RAD51AP2: variants seen among roughly 807,000 people sequenced by gnomAD.
The protein encoded by RAD51AP2 is RAD51 associated protein 2, also known as RAD51-associated protein 2.
In RAD51AP2, 67 loss-of-function variants were observed where a neutral mutation model predicts 85.5. That is an observed-to-expected ratio of 0.78 (90% confidence interval 0.64 to 0.96). The LOEUF is 0.96. RAD51AP2 is among the 40% of genes least tolerant of loss of function. RAD51AP2 has a pLI of 0.00. For synonymous variants in RAD51AP2, 474 were observed against 446.5 expected (o/e 1.06, Z -0.78); for missense variants, 1,307 against 1,332.4 (o/e 0.98, Z 0.30).
At position 17,515,946 on chromosome 2, in the gene RAD51AP2, T is replaced by C; in HGVS notation, c.2470A>G (p.Ile824Val). Residue 824 changes from isoleucine to valine, a missense_variant, in exon 1 of 3, where the codon ATA (isoleucine) becomes GTA (valine). Around this residue, in one of 3 missense-constraint regions of RAD51AP2, gnomAD observed 668 missense variants for 671.0 expected, o/e 1.00. Transcript: ENST00000399080. ...VLNFWNLLSE[I>V]EEKKYDLILK... ...ATTAAGTCATATTTTTTTTCTTCTA[T>C]TTCACTTAGCAAGTTCCAAAAATTT... The C allele has an allele frequency of 6.2e-7, 1 of 1,606,314 alleles. No individual in the cohort carries two copies. Among genetic ancestry groups the C allele is most frequent in the South Asian group, 1.1e-5 (1 of 88,372 alleles).
chr2:17,511,368 G>A (rs533955889), intron 2 of RAD51AP2, among the ~76,000 whole-genome samples: 1 of 152,202 alleles, frequency 6.6e-6, no homozygotes, highest in East Asian at 1.9e-4. Context: ...GGAGGTTATT[G>A]TCAATAATAG....
At chr2:17,535,542 T>G in the RAD51AP2 span, among the ~76,000 whole-genome samples, 1 of 152,296 alleles carries the variant, frequency 6.6e-6, no homozygotes, top group Admixed American at 6.5e-5. Flanking sequence ...CAGTGAGGAA[T>G]GAATTTGCAA....
the RAD51AP2 span, among the ~76,000 whole-genome samples, chr2:17,534,339 C>T: frequency 6.6e-6 from 1 of 152,100 alleles, no homozygotes; most frequent in Non-Finnish European, 1.5e-5. Context: ...TCATCTTCTT[C>T]CTAAATTATA....
Position 17,517,242 on chromosome 2 carries a change from A to C in RAD51AP2, c.1174T>G (p.Ser392Ala). 6.2e-7 allele frequency: 1 copy of C among 1,613,704 alleles called. No individual in the cohort carries two copies. Among genetic ancestry groups the C allele is most frequent in the Non-Finnish European group, 8.5e-7 (1 of 1,179,910 alleles). ...DSYVLTRLEK[S>A]QNWDCNVRHI... is the part of the protein sequence containing the mutation. ...CTAACGTTACAGTCCCAGTTTTGAG[A>C]TTTTTCCAGCCTGGTAAGTACGTAA... The change falls in exon 1 of 3, where the codon TCT (serine) becomes GCT (alanine). Residue 392 changes from serine (S) to alanine (A), a missense_variant. Ser to Ala is a moderately conservative substitution (Grantham distance 99). Around this residue, in one of 3 missense-constraint regions of RAD51AP2, gnomAD observed 635 missense variants for 643.6 expected, o/e 0.99. Transcript: ENST00000399080.
At chr2:17,536,062 G>A in the RAD51AP2 span, among the ~76,000 whole-genome samples, 6 of 151,452 alleles carry the variant, frequency 4.0e-5, no homozygotes, top group Non-Finnish European at 7.4e-5. Context: ...TTGTCTCTGA[G>A]GGGGCATAGA....
At chr2:17,535,821 C>T in the RAD51AP2 span, among the ~76,000 whole-genome samples, 2 of 150,372 alleles carry the variant, frequency 1.3e-5, no homozygotes, top group South Asian at 2.1e-4. Context: ...AGGAGGAAGT[C>T]GAGAGTAAGG....
At position 17,518,370 on chromosome 2, in the gene RAD51AP2, G is replaced by T. The variant is rs1220093795; in HGVS notation, c.46C>A (p.Pro16Thr). The T allele has an allele frequency of 6.2e-7, 1 of 1,613,368 alleles. No individual in the cohort carries two copies. Among genetic ancestry groups the T allele is most frequent in the Non-Finnish European group, 8.5e-7 (1 of 1,179,826 alleles). Reference protein sequence around the residue: ...PTPRMAELRKPTSSLTPPEDP... With the variant: ...PTPRMAELRKTTSSLTPPEDP... Reference sequence around the variant, plus strand: ...TCAGGAGGCGTTAAAGAGGAGGTAGGCTTTCTGAGCTCGGCCATCCGCGGC... The same window carrying T: ...TCAGGAGGCGTTAAAGAGGAGGTAGTCTTTCTGAGCTCGGCCATCCGCGGC... The change falls in exon 1 of 3, where the codon CCT (proline) becomes ACT (threonine). Residue 16 changes from proline to threonine, a missense_variant. Physicochemically the swap from Pro to Thr is conservative, Grantham distance 38 (BLOSUM62 -1). Transcript: ENST00000399080.
At chr2:17,520,552 TTAG>T (rs1662836642), upstream of RAD51AP2, among the ~76,000 whole-genome samples, 1 of 152,148 alleles carries the variant, frequency 6.6e-6, no homozygotes, top group African/African-American at 2.4e-5. Context: ...CTGATTTCTT[TTAG>T]CGTGGTGTCT....
the RAD51AP2 span, among the ~76,000 whole-genome samples, chr2:17,532,560 C>A: frequency 2.6e-5 from 4 of 151,990 alleles, no homozygotes; most frequent in Non-Finnish European, 5.9e-5. Context: ...ATTGGTCTAG[C>A]GAGGTTTTAG....
Position 17,510,796 on chromosome 2 carries a change from T to C in RAD51AP2, c.*8A>G. 1 of 1,535,946 alleles carries C rather than the reference T, an allele frequency of 6.5e-7. No homozygotes were observed. The highest frequency in any genetic ancestry group is 8.9e-7 in the Non-Finnish European group (1 of 1,128,906). ...CTAGATGTTGTAAAATGTTTTGAAA[T>C]ATGAAAGTCAAAAATTTTCTTTTAA... On this transcript the variant is annotated 3_prime_UTR_variant, in exon 3 of 3. Coordinates refer to ENST00000399080, the MANE Select transcript of RAD51AP2 (RefSeq NM_001099218.3).
intron 2 of RAD51AP2, among the ~76,000 whole-genome samples, chr2:17,513,527 G>A (rs369148340): frequency 2.6e-4 from 39 of 152,174 alleles, no homozygotes; most frequent in African/African-American, 8.2e-4. Context: ...GTGAGCCACC[G>A]TGCCTGGCCT....
In RAD51AP2 at chr2:17,516,987, CAG is replaced by C; in HGVS notation, c.1427_1428del (p.Thr476SerfsTer6). ...ILGSQTALITTVWLNGKGEND... is the reference protein window; with the variant it reads ...ILGSQTALITXVWLNGKGEND... ...TTTTCTCCTTTACCATTTAGCCAAA[CAG>C]TCGTTATTAAAGCTGTCTGACTACC... On this transcript the variant is annotated frameshift_variant, in exon 1 of 3. Coordinates refer to ENST00000399080, the MANE Select transcript of RAD51AP2 (RefSeq NM_001099218.3). LOFTEE classifies it high-confidence loss of function. The C allele has an allele frequency of 6.3e-7, 1 of 1,597,546 alleles. No homozygotes were observed. Among genetic ancestry groups the C allele is most frequent in the Non-Finnish European group, 8.5e-7 (1 of 1,175,456 alleles).
At chr2:17,532,456 T>C in the RAD51AP2 span, among the ~76,000 whole-genome samples, 1 of 152,012 alleles carries the variant, frequency 6.6e-6, no homozygotes, top group Non-Finnish European at 1.5e-5. Context: ...CTTATAAGGA[T>C]ATCAGGAATT....
Position 17,515,888 on chromosome 2 carries a change from C to A in RAD51AP2, c.2528G>T (p.Ser843Ile). 6.2e-7 allele frequency: 1 copy of A among 1,605,428 alleles called. No individual in the cohort carries two copies. The highest frequency in any genetic ancestry group is 8.5e-7 in the Non-Finnish European group (1 of 1,177,682). The change falls in exon 1 of 3, where the codon AGT becomes ATT. Residue 843 changes from serine to isoleucine, a missense_variant. Ser to Ile is a moderately radical substitution (Grantham distance 142). Transcript: ENST00000399080. ...LKEEVKVTAE[S>I]LTNSCQVHKD... ...GTGAACTTGGCAACTATTTGTTAAA[C>A]TTTCAGCTGTGACTTTTACTTCCTC...
upstream of RAD51AP2, among the ~76,000 whole-genome samples, chr2:17,521,389 C>T (rs750711066): frequency 6.6e-6 from 1 of 151,988 alleles, no homozygotes; most frequent in Non-Finnish European, 1.5e-5. Context: ...AGAAATATGA[C>T]AAGACAGTTT....
the RAD51AP2 span, among the ~76,000 whole-genome samples, chr2:17,526,000 C>CA: frequency 6.6e-6 from 1 of 151,502 alleles, no homozygotes; most frequent in Non-Finnish European, 1.5e-5. Flanking sequence ...ATGTGGAAAA[C>CA]AAAAAGGTAA....
the RAD51AP2 span, among the ~76,000 whole-genome samples, chr2:17,530,833 A>G: frequency 6.6e-6 from 1 of 152,180 alleles, no homozygotes; most frequent in Non-Finnish European, 1.5e-5. Flanking sequence ...TGAAGGCATA[A>G]AAACCAAAGA....
upstream of RAD51AP2, among the ~76,000 whole-genome samples, chr2:17,523,421 G>A (rs1662898814): frequency 6.6e-6 from 1 of 151,798 alleles, no homozygotes; most frequent in African/African-American, 2.4e-5. Context: ...ACAGATCAGA[G>A]CTTTTTTTTC....
rs532010094 is a variant in RAD51AP2, at chr2:17,517,799, T to G, written c.617A>C (p.His206Pro). The G allele has an allele frequency of 6.2e-7, 1 of 1,614,148 alleles. No homozygotes were observed. The highest frequency in any genetic ancestry group is 2.2e-5 in the East Asian group (1 of 44,896). The change falls in exon 1 of 3, where the codon CAT (histidine) becomes CCT (proline). Residue 206 changes from histidine to proline, a missense_variant. His to Pro is a moderately conservative substitution (Grantham distance 77, BLOSUM62 -2). Around this residue, in one of 3 missense-constraint regions of RAD51AP2, gnomAD observed 635 missense variants for 643.6 expected, o/e 0.99. Transcript: ENST00000399080. ...AGCTTTACATCTGTTCTTAATTTCA[T>G]GAAATGGTGATTTAGTTTCCTTGTA... ...TFYKETKSPF[H>P]EIKNRCKANS...
Sources: gnomAD v4.1 joint callset for allele counts (sites outside exome capture counted in the v4.1 genomes callset) on GRCh38, gnomAD v4.1.1 for gene constraint, gnomAD v4.1.1 regional missense constraint, MANE v1.5 for transcripts, NCBI Gene and HGNC (gene_info 2026-07-23, HGNC 2026-07-21) for gene names.